Variants in CDKL5 observed in about 807,000 individuals in gnomAD.
CDKL5 encodes cyclin dependent kinase like 5.
Under a neutral mutation model 61.7 loss-of-function variants are expected in CDKL5, and 8 were observed. That is an observed-to-expected ratio of 0.13 (90% confidence interval 0.08 to 0.23). CDKL5 has a LOEUF of 0.23. Ranked by LOEUF, CDKL5 falls within the 10% of genes least tolerant of loss-of-function variation. The probability of loss-of-function intolerance (pLI) is 1.00; values close to 1 mark genes in which losing one functional copy is unlikely to be tolerated. For synonymous variants in CDKL5, 275 were observed against 272.3 expected, an observed-to-expected ratio of 1.01 and a Z score of -0.10; for missense variants, 440 against 734.5, an observed-to-expected ratio of 0.60 and a Z score of 4.63.
In CDKL5 at chrX:18,640,128, CTTT is replaced by C. The variant is rs1477729378; in HGVS notation, c.*11372_*11374del. 2.7e-5 allele frequency: 3 copies of C among 111,358 alleles called. No homozygotes were observed. The highest frequency in any genetic ancestry group is 6.5e-5 in the African/African-American group (2 of 30,604). 9.2% of individuals were successfully genotyped at this position (111,358 alleles called of 1,213,427 possible). ...ATACCAAAAGTCATCAAATTGTACACTTTAAATGGATACAAATTGTATGTGAAC... is the reference window on the plus strand; with the variant it reads ...ATACCAAAAGTCATCAAATTGTACACAAATGGATACAAATTGTATGTGAAC... On this transcript the variant is annotated 3_prime_UTR_variant, in exon 18 of 18. Coordinates refer to ENST00000623535, the MANE Select transcript of CDKL5 (RefSeq NM_001323289.2).
intron 1 of CDKL5, among the ~76,000 whole-genome samples, chrX:18,441,780 C>G (rs1931750961): frequency 9.0e-6 from 1 of 111,421 alleles, no homozygotes; most frequent in South Asian, 3.8e-4. Flanking sequence ...TAGTGAGGGT[C>G]TCTTTACATA....
chrX:18,445,238 C>G (rs1200026132), intron 1 of CDKL5, among the ~76,000 whole-genome samples: 1 of 110,005 alleles, frequency 9.1e-6, no homozygotes. Context: ...CCACCACGCC[C>G]TGCTAATTTT....
At chrX:18,447,502 T>C (rs1031196809) in intron 1 of CDKL5, among the ~76,000 whole-genome samples, 2 of 111,741 alleles carry the variant, frequency 1.8e-5, no homozygotes, top group African/African-American at 6.5e-5. Flanking sequence ...TAAACTGTTT[T>C]TGCTGAGAAT....
At chrX:18,460,022 G>T (rs1024048455) in intron 1 of CDKL5, among the ~76,000 whole-genome samples, 1 of 110,246 alleles carries the variant, frequency 9.1e-6, no homozygotes, top group Non-Finnish European at 1.9e-5. Context: ...ACAGGTGTGC[G>T]CCACCATGCC....
intron 3 of CDKL5, among the ~76,000 whole-genome samples, chrX:18,552,237 C>T (rs867356774): frequency 5.2e-5 from 2 of 38,772 alleles, no homozygotes; most frequent in Non-Finnish European, 9.9e-5. Flanking sequence ...GACTCCGTCT[C>T]AAAAAAAAAA....
intron 15 of CDKL5, among the ~76,000 whole-genome samples, chrX:18,619,148 C>T (rs1926810246): frequency 9.6e-6 from 1 of 104,460 alleles, no homozygotes; most frequent in African/African-American, 3.5e-5. Context: ...TCCCCCCGCC[C>T]CGTGAAAGCT....
At chrX:18,522,084 T>C (rs2147102756) in intron 3 of CDKL5, among the ~76,000 whole-genome samples, 2 of 111,087 alleles carry the variant, frequency 1.8e-5, no homozygotes, top group East Asian at 5.6e-4. Context: ...AAAAAAGCTG[T>C]TGAAATTTTG....
intron 3 of CDKL5, among the ~76,000 whole-genome samples, chrX:18,546,482 G>A (rs1334507118): frequency 9.1e-6 from 1 of 110,220 alleles, no homozygotes. Context: ...GGCTGGTCTC[G>A]GACCTCCTGA....
rs1179978359 is a variant in CDKL5 at position 18,436,766 on chromosome X, T to G, written c.-163+11071T>G. 2.8e-5 allele frequency among the ~76,000 whole-genome samples: 3 copies of G among 106,890 alleles called. No individual in the cohort carries two copies. The East Asian group carries it at 8.8e-4, about 31-fold the overall frequency. The allele number at this position is 106,890 out of a possible 115,157, so 92.8% of individuals were successfully genotyped here. ...ATGCAAAATTAGCCAAGTGTGGTGG[T>G]ATGTGCCTGTAGTCCCAGCTACTCC... On this transcript the variant is annotated intron_variant, in intron 1 of 17. Transcript: ENST00000623535.
chrX:18,499,453 C>T (rs972794862), intron 1 of CDKL5, among the ~76,000 whole-genome samples: 57 of 106,390 alleles, frequency 5.4e-4, no homozygotes, highest in Non-Finnish European at 1.0e-3. Context: ...CTCCGCCTCC[C>T]GGGTTCATGC....
chrX:18,645,604 G>T (rs1045019501), intron 19 of CDKL5, among the ~76,000 whole-genome samples: 2 of 110,342 alleles, frequency 1.8e-5, no homozygotes, highest in Non-Finnish European at 3.8e-5. Flanking sequence ...ACTTCTGTCG[G>T]TCTCCACCGC....
intron 1 of CDKL5, among the ~76,000 whole-genome samples, chrX:18,436,062 A>G (rs1931603144): frequency 1.8e-5 from 2 of 112,131 alleles, no homozygotes; most frequent in Non-Finnish European, 3.8e-5. Flanking sequence ...ATAGTCAATT[A>G]ACACATTGTT....
chrX:18,443,631 G>T, intron 1 of CDKL5, among the ~76,000 whole-genome samples: 1 of 111,547 alleles, frequency 9.0e-6, no homozygotes, highest in Non-Finnish European at 1.9e-5. Context: ...GTAAACACAT[G>T]TCTTAGGGGT....
intron 20 of CDKL5, chrX:18,650,084 CTCT>C: frequency 3.1e-6 from 1 of 326,841 alleles, no homozygotes. Context: ...TGGCACTTTG[CTCT>C]TCTTCATCTG....
chrX:18,590,570 A>G (rs1925795461), intron 9 of CDKL5, among the ~76,000 whole-genome samples: 1 of 111,847 alleles, frequency 8.9e-6, no homozygotes, highest in Non-Finnish European at 1.9e-5. Flanking sequence ...GCATGCCAGT[A>G]TCTTTTTTAT....
intron 21 of CDKL5, among the ~76,000 whole-genome samples, chrX:18,651,460 G>A (rs1023145189): frequency 2.7e-5 from 3 of 111,129 alleles, no homozygotes; most frequent in Admixed American, 9.6e-5. Context: ...GGGCCTGAGC[G>A]CAGCAGAGAG....
At chrX:18,542,670 T>TG (rs1250636667) in intron 3 of CDKL5, among the ~76,000 whole-genome samples, 1 of 110,247 alleles carries the variant, frequency 9.1e-6, no homozygotes, top group Non-Finnish European at 1.9e-5. Flanking sequence ...TTTTTTTTTT[T>TG]TTTTGTATCC....
intron 3 of CDKL5, among the ~76,000 whole-genome samples, chrX:18,560,095 C>T (rs909985169): frequency 9.1e-6 from 1 of 110,013 alleles, no homozygotes; most frequent in African/African-American, 3.3e-5. Context: ...AATAAACATA[C>T]GTGTGCATGT....
intron 1 of CDKL5, among the ~76,000 whole-genome samples, chrX:18,462,397 C>T (rs751539113): frequency 2.7e-5 from 3 of 111,955 alleles, no homozygotes; most frequent in Non-Finnish European, 5.6e-5. Context: ...GTTAGAAATG[C>T]AAACTCTTGG....
Sources: allele counts gnomAD v4.1 joint callset (sites outside exome capture counted in the v4.1 genomes callset), GRCh38; gene constraint gnomAD v4.1.1; transcripts MANE v1.5; gene names NCBI Gene and HGNC (gene_info 2026-07-23, HGNC 2026-07-21).